DLC1: variants seen among roughly 807,000 people sequenced by gnomAD.
DLC1 encodes rho GTPase-activating protein 7.
In DLC1, 54 loss-of-function variants were observed where a neutral mutation model predicts 140.3. That is an observed-to-expected ratio of 0.38 (90% CI 0.31 to 0.48). The LOEUF is 0.48. DLC1 is among the 20% of genes least tolerant of loss of function. The pLI, the probability that DLC1 is intolerant of heterozygous loss-of-function variation, is 0.96. For synonymous variants in DLC1, 986 were observed against 728.1 expected (o/e 1.35, Z -5.70); for missense variants, 2,536 against 1,907.0 (o/e 1.33, Z -6.14).
chr8:13,379,255 T>C (rs987015340), intron 4 of DLC1, among the ~76,000 whole-genome samples: 3 of 152,212 alleles, frequency 2.0e-5, no homozygotes, highest in Non-Finnish European at 2.9e-5. Context: ...CCTGGCCTAA[T>C]TGCCTTCACC....
intron 5 of DLC1, among the ~76,000 whole-genome samples, chr8:13,267,735 T>A (rs1830749490): frequency 1.2e-5 from 1 of 83,520 alleles, no homozygotes; most frequent in South Asian, 4.1e-4. Context: ...GAGGAGTGTG[T>A]GTGTGTGTGT....
chr8:13,146,014 C>T (rs1005490168), intron 5 of DLC1, among the ~76,000 whole-genome samples: 10 of 152,120 alleles, frequency 6.6e-5, no homozygotes, highest in African/African-American at 2.4e-4. Flanking sequence ...CGCAGTGGCT[C>T]ATACCTGTAA....
At chr8:13,418,606 T>G (rs1838178323) in intron 2 of DLC1, among the ~76,000 whole-genome samples, 1 of 152,210 alleles carries the variant, frequency 6.6e-6, no homozygotes. Flanking sequence ...CATGCTGTTT[T>G]GGTTACTGTA....
At chr8:13,525,957 T>A (rs1471463910) in intron 1 of DLC1, among the ~76,000 whole-genome samples, 3 of 152,186 alleles carry the variant, frequency 2.0e-5, no homozygotes, top group Non-Finnish European at 4.4e-5. Flanking sequence ...AGTATTAGGT[T>A]TTACACCTAG....
intron 2 of DLC1, among the ~76,000 whole-genome samples, chr8:13,464,390 A>G (rs1799825952): frequency 6.6e-6 from 1 of 152,238 alleles, no homozygotes; most frequent in Non-Finnish European, 1.5e-5. Flanking sequence ...ATTAGGAAAC[A>G]TAAATCTCAA....
chr8:13,201,739 T>C (rs1311561403), intron 5 of DLC1, among the ~76,000 whole-genome samples: 1 of 152,146 alleles, frequency 6.6e-6, no homozygotes, highest in African/African-American at 2.4e-5. Context: ...TTTGATAGTT[T>C]CTCTAAAACG....
At chr8:13,348,850 A>AGG (rs1317577221) in intron 4 of DLC1, among the ~76,000 whole-genome samples, 1 of 152,166 alleles carries the variant, frequency 6.6e-6, no homozygotes, top group Non-Finnish European at 1.5e-5. Context: ...GGCTGCAGAG[A>AGG]GCTGTATTCT....
chr8:13,492,774 A>G (rs1801320630), intron 2 of DLC1, among the ~76,000 whole-genome samples: 1 of 152,200 alleles, frequency 6.6e-6, no homozygotes, highest in African/African-American at 2.4e-5. Flanking sequence ...TTTATCTTAC[A>G]ATTAAATGTT....
chr8:13,414,959 C>A (rs1266248892), intron 2 of DLC1, among the ~76,000 whole-genome samples: 1 of 151,842 alleles, frequency 6.6e-6, no homozygotes, highest in African/African-American at 2.4e-5. Context: ...TACAGGCGTG[C>A]GCCACCATGC....
chr8:13,473,380 C>G (rs1043202495), intron 2 of DLC1, among the ~76,000 whole-genome samples: 7 of 152,086 alleles, frequency 4.6e-5, no homozygotes, highest in Non-Finnish European at 7.4e-5. Context: ...GTTTTAAAAA[C>G]GGGGGTTTCC....
At chr8:13,540,966 A>G (rs977403945) in intron 1 of DLC1, among the ~76,000 whole-genome samples, 1 of 152,222 alleles carries the variant, frequency 6.6e-6, no homozygotes, top group South Asian at 2.1e-4. Flanking sequence ...TCTGAGAGAC[A>G]TGTAGCTGAT....
At chr8:13,261,944 T>C (rs1054400582) in intron 5 of DLC1, among the ~76,000 whole-genome samples, 1 of 152,176 alleles carries the variant, frequency 6.6e-6, no homozygotes, top group Non-Finnish European at 1.5e-5. Context: ...GCTCTAAGCA[T>C]TGAATGTGTC....
chr8:13,146,416 ACTAGTGAG>A (rs1329799939), intron 5 of DLC1, among the ~76,000 whole-genome samples: 2 of 152,034 alleles, frequency 1.3e-5, no homozygotes, highest in African/African-American at 4.8e-5. Flanking sequence ...AAGTTCCATA[ACTAGTGAG>A]CTAGTGATAC....
At chr8:13,239,772 CAGA>C (rs1752203749) in intron 5 of DLC1, among the ~76,000 whole-genome samples, 1 of 152,088 alleles carries the variant, frequency 6.6e-6, no homozygotes, top group Non-Finnish European at 1.5e-5. Flanking sequence ...GGGAGTTTTC[CAGA>C]AGAAGACTGT....
chr8:13,475,148 G>A (rs1460372105), intron 2 of DLC1, among the ~76,000 whole-genome samples: 2 of 151,990 alleles, frequency 1.3e-5, no homozygotes, highest in Non-Finnish European at 2.9e-5. Context: ...AAAGAGATCA[G>A]ATCATAATTT....
At chr8:13,118,033 A>C (rs1340080198) in intron 5 of DLC1, among the ~76,000 whole-genome samples, 2 of 122,488 alleles carry the variant, frequency 1.6e-5, no homozygotes, top group Non-Finnish European at 3.2e-5. Flanking sequence ...TTTTTGAGAC[A>C]GAGTCTTGCT....
At chr8:13,466,450 C>A (rs533157884) in intron 2 of DLC1, among the ~76,000 whole-genome samples, 2 of 152,158 alleles carry the variant, frequency 1.3e-5, no homozygotes, top group Admixed American at 6.5e-5. Context: ...CCTACAGAGT[C>A]GCTATCTTGG....
At chr8:13,315,387 A>G (rs1303934325) in intron 4 of DLC1, among the ~76,000 whole-genome samples, 1 of 152,262 alleles carries the variant, frequency 6.6e-6, no homozygotes, top group African/African-American at 2.4e-5. Context: ...TTGTGTTAAC[A>G]TTGAGATGTC....
At chr8:13,393,502 T>A in intron 4 of DLC1, 51 bp downstream of exon 4, 2 of 1,562,092 alleles carry the variant, frequency 1.3e-6, no homozygotes. Flanking sequence ...TCTTACCTGA[T>A]GATCATCAAC....
Sources: allele counts gnomAD v4.1 joint callset (sites outside exome capture counted in the v4.1 genomes callset), GRCh38; gene constraint gnomAD v4.1.1; transcripts MANE v1.5; gene names NCBI Gene and HGNC (gene_info 2026-07-23, HGNC 2026-07-21).